Variants in C16orf96 observed in about 807,000 individuals in gnomAD.
C16orf96 encodes chromosome 16 open reading frame 96, also known as uncharacterized protein C16orf96.
A neutral mutation model predicts 103.6 loss-of-function variants in C16orf96; 108 were observed. The observed-to-expected ratio is 1.04, with a 90% CI of 0.89 to 1.22. The LOEUF is 1.22. Among genes scored for constraint, C16orf96 ranks in the 50% most tolerant of loss-of-function variants. The pLI is 0.00. For missense variants in C16orf96, 1,586 were observed against 1,464.2 expected (o/e 1.08, Z -1.36); for synonymous variants, 566 against 593.5 (o/e 0.95, Z 0.67).
intron 1 of C16orf96, among the ~76,000 whole-genome samples, chr16:4,570,811 G>A (rs2059429843): frequency 6.6e-6 from 1 of 152,028 alleles, no homozygotes; most frequent in South Asian, 2.1e-4. Context: ...TCTCCCTACA[G>A]CAAGCAATAA....
intron 14 of C16orf96, among the ~76,000 whole-genome samples, chr16:4,597,889 T>G (rs1416007848): frequency 6.6e-6 from 1 of 152,138 alleles, no homozygotes; most frequent in African/African-American, 2.4e-5. Flanking sequence ...TATATTACAT[T>G]GAAATTGTGA....
At chr16:4,588,044 A>T in intron 8 of C16orf96, 123 bp from the exon 9 acceptor site, 4 of 976,764 alleles carry the variant, frequency 4.1e-6, no homozygotes, top group Non-Finnish European at 5.8e-6. Flanking sequence ...GGTTGCATTT[A>T]AGCCAAGGCT....
chr16:4,567,918 G>A (rs943200520), intron 1 of C16orf96, among the ~76,000 whole-genome samples: 2 of 150,898 alleles, frequency 1.3e-5, no homozygotes, highest in Admixed American at 6.6e-5. Flanking sequence ...GGATGGTCTC[G>A]ATCTCCTGAC....
intron 6 of C16orf96, 140 bp from the exon 7 acceptor site, chr16:4,579,875 T>G (rs965378680): frequency 1.4e-5 from 9 of 646,270 alleles, no homozygotes; most frequent in East Asian, 3.2e-5. Context: ...CCTCCCAAAG[T>G]GCTGGGATTA....
intron 7 of C16orf96, among the ~76,000 whole-genome samples, chr16:4,584,829 C>T (rs934751812): frequency 5.9e-5 from 9 of 152,056 alleles, no homozygotes; most frequent in Non-Finnish European, 1.0e-4. Flanking sequence ...CCACCGTGCC[C>T]AGCCAATTTT....
At chr16:4,572,216 C>G (rs778200815) in intron 2 of C16orf96, among the ~76,000 whole-genome samples, 1 of 151,914 alleles carries the variant, frequency 6.6e-6, no homozygotes, top group Non-Finnish European at 1.5e-5. Context: ...CACGTTCATC[C>G]TGGATTAGGC....
chr16:4,562,926 A>G, intron 1 of C16orf96: 5 of 1,415,272 alleles, frequency 3.5e-6, no homozygotes, highest in South Asian at 1.2e-5. Flanking sequence ...TTCAGGATCC[A>G]TCCAATATTC....
intron 15 of C16orf96, among the ~76,000 whole-genome samples, chr16:4,599,866 G>A (rs1444550033): frequency 1.3e-5 from 2 of 152,104 alleles, no homozygotes; most frequent in East Asian, 3.9e-4. Flanking sequence ...GTTCTCTCCC[G>A]GGGGCTCTGC....
the C16orf96 span, among the ~76,000 whole-genome samples, chr16:4,548,322 C>T: frequency 1.3e-5 from 2 of 152,194 alleles, no homozygotes; most frequent in Admixed American, 1.3e-4. Context: ...AGCTCCTCCT[C>T]CCTGGCACCC....
At chr16:4,597,623 C>T (rs998622871) in intron 14 of C16orf96, among the ~76,000 whole-genome samples, 2 of 151,654 alleles carry the variant, frequency 1.3e-5, no homozygotes, top group African/African-American at 4.9e-5. Flanking sequence ...GTGGGGCGAT[C>T]TCAGCTCACT....
chr16:4,579,154 G>A (rs1191717256), intron 6 of C16orf96, 129 bp downstream of exon 6: 3 of 844,752 alleles, frequency 3.6e-6, no homozygotes, highest in East Asian at 5.4e-5. Flanking sequence ...GGGAAAGCGA[G>A]CTGGCTGCGA....
At chr16:4,597,434 C>T (rs1261954439) in intron 14 of C16orf96, among the ~76,000 whole-genome samples, 1 of 152,228 alleles carries the variant, frequency 6.6e-6, no homozygotes, top group Non-Finnish European at 1.5e-5. Flanking sequence ...GTCCTGTCCC[C>T]ACTCATTCAC....
chr16:4,562,996 CA>C (rs2059348054), intron 1 of C16orf96: 11 of 1,129,542 alleles, frequency 9.7e-6, no homozygotes, highest in Non-Finnish European at 1.5e-5. Flanking sequence ...CTCATTTTCC[CA>C]ATCTGAAACA....
chr16:4,584,971 A>G (rs954439571), intron 7 of C16orf96, among the ~76,000 whole-genome samples: 3 of 152,048 alleles, frequency 2.0e-5, no homozygotes, highest in Admixed American at 1.3e-4. Flanking sequence ...GCGCCCAGCC[A>G]AAATAATAAG....
Position 4,576,393 on chromosome 16 carries a change from T to G in C16orf96, c.1913T>G (p.Leu638Trp). Residue 638 changes from leucine to tryptophan, a missense_variant, in exon 5 of 16, where the codon TTG becomes TGG. By Grantham distance (61) the Leu-to-Trp change is moderately conservative (BLOSUM62 -2). Coordinates refer to ENST00000444310, the MANE Select transcript of C16orf96 (RefSeq NM_001145011.2). ...PSRGATESQI[L>W]GDDSEIYEIL... ...CGGGGAGCCACAGAATCCCAGATCT[T>G]GGGCGATGATTCCGAAATCTACGAA... 2 of 1,551,088 alleles carry G rather than the reference T, an allele frequency of 1.3e-6. No individual in the cohort carries two copies. The highest frequency in any genetic ancestry group is 1.7e-6 in the Non-Finnish European group (2 of 1,147,004).
intron 1 of C16orf96, among the ~76,000 whole-genome samples, chr16:4,566,855 G>A (rs2059389181): frequency 6.6e-6 from 1 of 151,894 alleles, no homozygotes; most frequent in African/African-American, 2.4e-5. Context: ...TTGATAGAAT[G>A]CCCTCTCTTT....
intron 13 of C16orf96, 40 bp from the exon 14 acceptor site, chr16:4,594,664 G>A (rs758074481): frequency 1.9e-6 from 3 of 1,548,900 alleles, no homozygotes; most frequent in Non-Finnish European, 2.6e-6. Flanking sequence ...GGCAGATCGG[G>A]TCGGGGGCTC....
intron 4 of C16orf96, 23 bp from the exon 5 acceptor site, chr16:4,575,151 C>T: frequency 6.5e-7 from 1 of 1,544,056 alleles, no homozygotes; most frequent in Non-Finnish European, 8.7e-7. Context: ...GCCAGCAGAG[C>T]CCCTCTGCCC....
chr16:4,562,461 CAA>C (rs71402546), intron 1 of C16orf96, among the ~76,000 whole-genome samples: 9 of 142,006 alleles, frequency 6.3e-5, no homozygotes, highest in South Asian at 4.5e-4. Context: ...AAGACTGTGT[CAA>C]AAAAAAAAAA....
Sources: gnomAD v4.1 joint callset for allele counts (sites outside exome capture counted in the v4.1 genomes callset) on GRCh38, gnomAD v4.1.1 for gene constraint, MANE v1.5 for transcripts, NCBI Gene and HGNC (gene_info 2026-07-23, HGNC 2026-07-21) for gene names.